The following PCSK6 variants were observed in gnomAD, a reference collection of about 807,000 sequenced individuals.
PCSK6 encodes proprotein convertase subtilisin/kexin type 6.
PCSK6 carries 85 observed loss-of-function variants against 123.3 expected under a neutral mutation model. The ratio of observed to expected loss-of-function variants is 0.69; its 90% CI spans 0.58 to 0.83. The LOEUF (loss-of-function observed/expected upper bound fraction) is 0.83, where lower values mean the gene tolerates loss of function less well. Among genes scored for constraint, PCSK6 ranks in the 40% least tolerant of loss-of-function variants. The pLI is 0.00. For missense variants in PCSK6, 1,191 were observed against 1,282.3 expected, an observed-to-expected ratio of 0.93 and a Z score of 1.09; for synonymous variants, 508 against 516.0, an observed-to-expected ratio of 0.98 and a Z score of 0.21.
chr15:101,460,642 C>T (rs559640552), intron 1 of PCSK6, among the ~76,000 whole-genome samples: 3 of 152,278 alleles, frequency 2.0e-5, no homozygotes, highest in Non-Finnish European at 2.9e-5. Context: ...GAGCCCAGTA[C>T]CAGGACTTCA....
chr15:101,323,305 G>A (rs1184704926), intron 17 of PCSK6, among the ~76,000 whole-genome samples: 1 of 152,200 alleles, frequency 6.6e-6, no homozygotes, highest in Admixed American at 6.5e-5. Flanking sequence ...AAGAAGGGCG[G>A]CCAACTGTGC....
chr15:101,353,961 C>T (rs1160367203), intron 13 of PCSK6, among the ~76,000 whole-genome samples: 1 of 152,214 alleles, frequency 6.6e-6, no homozygotes, highest in Non-Finnish European at 1.5e-5. Flanking sequence ...GCTGGTAAGG[C>T]TCAGCACTTC....
At chr15:101,395,155 G>A (rs1298732543) in intron 7 of PCSK6, among the ~76,000 whole-genome samples, 1 of 152,176 alleles carries the variant, frequency 6.6e-6, no homozygotes, top group African/African-American at 2.4e-5. Flanking sequence ...CACCCCACTT[G>A]AAATGACTTA....
rs1156610349 is a variant in PCSK6 at position 101,409,571 on chromosome 15, T to C, written c.824-10995A>G. Among the ~76,000 whole-genome samples, 17 of 124,336 alleles carry C rather than the reference T, an allele frequency of 1.4e-4. No individual in the cohort carries two copies. The South Asian group carries it at 2.0e-3, about 15-fold the overall frequency. 81.6% of individuals were successfully genotyped at this position (124,336 alleles called of 152,430 possible). On this transcript the variant is annotated intron_variant, in intron 6 of 21. Transcript: ENST00000611716. ...CTGCACTCCAGCCTGGGCGACAGAG[T>C]AAGACTCCGTCTCAAAAAAAAAAAA...
intron 13 of PCSK6, among the ~76,000 whole-genome samples, chr15:101,348,532 T>C (rs576914701): frequency 9.0e-4 from 137 of 152,348 alleles, no homozygotes; most frequent in South Asian, 6.2e-4. Context: ...CAGAATTCGA[T>C]ATGTAACTGA....
chr15:101,438,904 G>C (rs779718921), intron 2 of PCSK6, among the ~76,000 whole-genome samples: 2 of 152,240 alleles, frequency 1.3e-5, no homozygotes, highest in African/African-American at 2.4e-5. Context: ...GTGGGGAAGA[G>C]AGCAACAGCA....
At chr15:101,399,110 A>C (rs1300455836) in intron 6 of PCSK6, among the ~76,000 whole-genome samples, 2 of 152,158 alleles carry the variant, frequency 1.3e-5, no homozygotes, top group African/African-American at 4.8e-5. Context: ...CATGTTGGCC[A>C]GGCTGGTCTC....
In PCSK6 at chr15:101,395,518, G is replaced by A. The variant is rs900690841; in HGVS notation, c.997-2094C>T. Among the ~76,000 whole-genome samples the A allele has an allele frequency of 3.5e-4, 54 of 152,332 alleles. 1 individual carries two copies. The highest frequency in any genetic ancestry group is 1.1e-3 in the African/African-American group (45 of 41,562). On this transcript the variant is annotated intron_variant, in intron 7 of 21. Transcript: ENST00000611716. ...TTTCCCCTCCTTAAAACGGTTTCTGGGAAGGAGACATGGAAATGAGGCGAG... is the reference window on the plus strand; with the variant it reads ...TTTCCCCTCCTTAAAACGGTTTCTGAGAAGGAGACATGGAAATGAGGCGAG...
chr15:101,367,704 G>T (rs1253220639), intron 12 of PCSK6, among the ~76,000 whole-genome samples: 1 of 152,226 alleles, frequency 6.6e-6, no homozygotes, highest in African/African-American at 2.4e-5. Context: ...TGTGCAGTAG[G>T]ATAGGAGGTC....
At position 101,489,567 on chromosome 15, in the gene PCSK6, C is replaced by A. The variant is rs1156824143; in HGVS notation, c.104G>T (p.Gly35Val). ...CGGCCGGAACCCGGGCCCGCCGGCG[C>A]CCCCCGCGCCCCCCGCGCCCCCCGC... ...AGAGGAGGAG[G>V]AGGPGFRPLA... The change falls in exon 1 of 22, where the codon GGC (glycine) becomes GTC (valine). Residue 35 changes from glycine to valine, a missense_variant. This residue lies in a region of PCSK6 where 204 missense variants were observed against 166.4 expected (regional missense o/e 1.23). Transcript: ENST00000611716. 6 of 897,778 alleles carry A rather than the reference C, an allele frequency of 6.7e-6. 1 individual carries two copies. In the East Asian group the frequency reaches 3.6e-4, roughly 54 times the overall value. 55.6% of individuals were successfully genotyped at this position (897,778 alleles called of 1,614,324 possible). A position where few individuals can be genotyped will look rare whatever the true frequency, so the allele number is the denominator to read the frequency against.
Position 101,489,355 on chromosome 15 carries a change from C to T in PCSK6, c.297+19G>A, listed in dbSNP as rs1201452522. 57 of 1,142,236 alleles carry T rather than the reference C, an allele frequency of 5.0e-5. No individual in the cohort carries two copies. Among genetic ancestry groups the T allele is most frequent in the Non-Finnish European group, 5.9e-5 (55 of 930,822 alleles). 70.8% of individuals were successfully genotyped at this position (1,142,236 alleles called of 1,614,324 possible). On this transcript the variant is annotated intron_variant, in intron 1 of 21. Transcript: ENST00000611716. ...GGCCGCCGGGAAAGTTTTGGGCGCG[C>T]GGGGCCGGCCGCACTCACCTGGCCC...
At chr15:101,453,442 G>A (rs1307219280) in intron 1 of PCSK6, among the ~76,000 whole-genome samples, 1 of 152,192 alleles carries the variant, frequency 6.6e-6, no homozygotes, top group African/African-American at 2.4e-5. Flanking sequence ...GGCCTCTCTA[G>A]TTGGGTGAGG....
chr15:101,432,965 G>A (rs1336136799), intron 2 of PCSK6, among the ~76,000 whole-genome samples: 2 of 152,242 alleles, frequency 1.3e-5, no homozygotes, highest in Non-Finnish European at 2.9e-5. Flanking sequence ...CAGTTCCTGG[G>A]TGGTGACATT....
rs117443817 is a variant in PCSK6 at position 101,342,336 on chromosome 15, G to A, written c.1859-10305C>T. Among the ~76,000 whole-genome samples, 117 of 152,144 alleles carry A rather than the reference G, an allele frequency of 7.7e-4. 1 individual carries two copies. The East Asian group carries it at 0.021, about 27-fold the overall frequency. Reference sequence around the variant, plus strand: ...CTGTTCAATATTAATTCTAAGTAAAGTGTAATAAATTAAGGATGCATATTG... The same window carrying A: ...CTGTTCAATATTAATTCTAAGTAAAATGTAATAAATTAAGGATGCATATTG... On this transcript the variant is annotated intron_variant, in intron 13 of 21. Transcript: ENST00000611716.
chr15:101,364,318 G>T (rs754412738), intron 13 of PCSK6, among the ~76,000 whole-genome samples: 2 of 152,146 alleles, frequency 1.3e-5, no homozygotes, highest in Non-Finnish European at 2.9e-5. Context: ...CTATGCATTC[G>T]ACCCAGAGAA....
At chr15:101,389,372 C>T in intron 9 of PCSK6, 92 bp downstream of exon 9, 1 of 960,542 alleles carries the variant, frequency 1.0e-6, no homozygotes, top group Non-Finnish European at 1.7e-6. Context: ...CTGAGCTGTC[C>T]ACTTCAATAG....
rs2039697954 is a variant in PCSK6 at position 101,305,296 on chromosome 15, T to C, written c.2872A>G (p.Ile958Val). Residue 958 changes from isoleucine to valine, a missense_variant, in exon 22 of 22, where the codon ATT (isoleucine) becomes GTT (valine). Around this residue, in one of 3 missense-constraint regions of PCSK6, gnomAD observed 630 missense variants for 631.4 expected, o/e 1.00. Transcript: ENST00000611716. The surrounding 1 kb of genome is among the most constrained non-coding windows in gnomAD (Gnocchi z 4.8). ...AGGCACGTGCGGCAGCAGAACTGAA[T>C]GAAGAGCTTCCGTTCGCACAGCCGG... ...SNRLCERKLF[I>V]QFCCRTCLLA... 6.2e-7 allele frequency: 1 copy of C among 1,612,602 alleles called. No homozygotes were observed. Among genetic ancestry groups the C allele is most frequent in the South Asian group, 1.1e-5 (1 of 91,006 alleles).
rs991332226 is a variant in PCSK6, at chr15:101,412,731, C to G, written c.824-14155G>C. Among the ~76,000 whole-genome samples the G allele has an allele frequency of 5.6e-4, 69 of 122,932 alleles. 1 individual carries two copies. Among genetic ancestry groups the G allele is most frequent in the African/African-American group, 2.1e-3 (67 of 31,636 alleles). 80.6% of individuals were successfully genotyped at this position (122,932 alleles called of 152,430 possible). A position where few individuals can be genotyped will look rare whatever the true frequency, so the allele number is the denominator to read the frequency against. On this transcript the variant is annotated intron_variant, in intron 6 of 21. Coordinates refer to ENST00000611716, the MANE Select transcript of PCSK6 (RefSeq NM_002570.5). The stretch of plus-strand genomic sequence containing the variant: ...TATATATAAAATTACCCAATCTGAA[C>G]AACATAAAGAAAAAAATTTAAAAAT...
intron 2 of PCSK6, among the ~76,000 whole-genome samples, chr15:101,436,938 C>T (rs7168079): frequency 0.59 from 89,220 of 152,050 alleles, 27,377 homozygotes; most frequent in African/African-American, 0.78. Flanking sequence ...CACTGACAGG[C>T]GACGATTCAT....
Sources: gnomAD v4.1 joint callset for allele counts (sites outside exome capture counted in the v4.1 genomes callset) on GRCh38, gnomAD v4.1.1 for gene constraint, gnomAD v4.1.1 regional missense constraint, Gnocchi (gnomAD v3.1) non-coding constraint, MANE v1.5 for transcripts, NCBI Gene and HGNC (gene_info 2026-07-23, HGNC 2026-07-21) for gene names.